The following SPIB variants were observed in gnomAD, a reference collection of about 807,000 sequenced individuals.
The protein encoded by SPIB is Spi-B transcription factor.
A neutral mutation model predicts 31.9 loss-of-function variants in SPIB; 7 were observed. That is an observed-to-expected ratio of 0.22 (90% CI 0.12 to 0.41). The LOEUF is 0.41. SPIB is among the 10% of genes least tolerant of loss of function. SPIB has a pLI of 1.00. For missense variants in SPIB, 327 were observed against 360.2 expected (o/e 0.91, Z 0.75); for synonymous variants, 176 against 158.9 (o/e 1.11, Z -0.81).
chr19:50,422,984 G>A lies in SPIB; in HGVS notation c.286G>A (p.Glu96Lys). The A allele has an allele frequency of 6.4e-7, 1 of 1,572,858 alleles. No individual in the cohort carries two copies. The highest frequency in any genetic ancestry group is 8.6e-7 in the Non-Finnish European group (1 of 1,157,250). Residue 96 changes from glutamate to lysine, a missense_variant, in exon 4 of 6, where the codon GAG (glutamate) becomes AAG (lysine). By Grantham distance (56) the Glu-to-Lys change is moderately conservative (BLOSUM62 1). Around this residue, in one of 4 missense-constraint regions of SPIB, gnomAD observed 238 missense variants for 228.8 expected, o/e 1.04. Transcript: ENST00000595883. ...GAACCTCGAACTGGCCCCCAGCCTG[G>A]AGGCCCCGGGGCCTGGCCTCCCTGC... ...AGNLELAPSL[E>K]APGPGLPAYP...
At chr19:50,419,794 G>C (rs1339427689) in intron 1 of SPIB, 152 bp from the exon 2 acceptor site, 5 of 682,646 alleles carry the variant, frequency 7.3e-6, no homozygotes, top group Non-Finnish European at 1.1e-5. Flanking sequence ...GCAGGGGGTA[G>C]TGGGGGAGTC....
Position 50,428,329 on chromosome 19 carries a change from G to T in SPIB, c.782G>T (p.Arg261Leu), listed in dbSNP as rs1303289410. Residue 261 changes from arginine (R) to leucine (L), a missense_variant, in exon 6 of 6, where the codon CGG becomes CTG. Physicochemically the swap from Arg to Leu is moderately radical, Grantham distance 102. Transcript: ENST00000595883. This position sits in a 1 kb window ranked among gnomAD's most constrained non-coding sequence, Gnocchi z 6.5. ...FDSALLPAVRRA is the reference protein window; with the variant it reads ...FDSALLPAVRLA ...AGCGCGCTGCTGCCTGCAGTCCGCC[G>T]GGCCTGAGCACACCCGAGGCTCCCA... The T allele has an allele frequency of 5.2e-6, 8 of 1,544,388 alleles. No individual in the cohort carries two copies. The East Asian group carries it at 2.0e-4, about 38-fold the overall frequency.
intron 2 of SPIB, among the ~76,000 whole-genome samples, chr19:50,420,820 G>C (rs2039485622): frequency 6.6e-6 from 1 of 152,096 alleles, no homozygotes; most frequent in African/African-American, 2.4e-5. Flanking sequence ...TAGAGGCAGG[G>C]TTTCACCATG....
chr19:50,419,155 C>T (rs745822224), intron 1 of SPIB, among the ~76,000 whole-genome samples, 170 bp downstream of exon 1: 55 of 152,304 alleles, frequency 3.6e-4, no homozygotes, highest in Non-Finnish European at 5.7e-4. Context: ...CTCTTCACTT[C>T]GGACTCTCCA....
chr19:50,427,994 C>T (rs1216132792), intron 5 of SPIB, 44 bp from the exon 6 acceptor site: 4 of 1,456,270 alleles, frequency 2.7e-6, no homozygotes, highest in Non-Finnish European at 3.6e-6. Context: ...AAGGCGGGGC[C>T]TTAGGGACCC....
At chr19:50,423,512 C>A in intron 4 of SPIB, 93 bp from the exon 5 acceptor site, 1 of 1,518,370 alleles carries the variant, frequency 6.6e-7, no homozygotes, top group Non-Finnish European at 8.9e-7. Flanking sequence ...AGAGGGAGAC[C>A]AGAGCCAGGA....
chr19:50,426,547 G>T (rs1250233909), intron 5 of SPIB, among the ~76,000 whole-genome samples: 1 of 152,100 alleles, frequency 6.6e-6, no homozygotes, highest in Non-Finnish European at 1.5e-5. Context: ...CAGGCTGAGT[G>T]CAATGATATG....
chr19:50,419,168 C>T (rs2039450978), intron 1 of SPIB, among the ~76,000 whole-genome samples, 183 bp downstream of exon 1: 1 of 152,198 alleles, frequency 6.6e-6, no homozygotes. Flanking sequence ...ACTCTCCATC[C>T]CCCCAGTTCC....
rs903678055 is a variant in SPIB, at chr19:50,428,503, C to T, written c.*167C>T. The T allele has an allele frequency of 1.5e-5, 12 of 792,402 alleles. No individual in the cohort carries two copies. The highest frequency in any genetic ancestry group is 1.7e-5 in the Non-Finnish European group (9 of 528,952). 49.1% of individuals were successfully genotyped at this position (792,402 alleles called of 1,614,324 possible). On this transcript the variant is annotated 3_prime_UTR_variant, in exon 6 of 6. Transcript: ENST00000595883. The surrounding 1 kb of genome is among the most constrained non-coding windows in gnomAD (Gnocchi z 6.5). ...CCTGCCATAATCCCCAAGCCCAGCCCGGGCCTGTCTGGGATTCCCCACTTG... is the reference window on the plus strand; with the variant it reads ...CCTGCCATAATCCCCAAGCCCAGCCTGGGCCTGTCTGGGATTCCCCACTTG...
intron 1 of SPIB, among the ~76,000 whole-genome samples, chr19:50,419,312 C>G (rs999414398): frequency 6.6e-6 from 1 of 152,160 alleles, no homozygotes; most frequent in Non-Finnish European, 1.5e-5. Context: ...CGCTCTGTAT[C>G]TGGCATCTCC....
intron 5 of SPIB, among the ~76,000 whole-genome samples, chr19:50,424,588 C>T (rs920553190): frequency 6.6e-6 from 1 of 152,154 alleles, no homozygotes; most frequent in African/African-American, 2.4e-5. Flanking sequence ...CGAGACCATC[C>T]TGGCCAACAT....
chr19:50,420,374 C>T (rs1403691764), intron 2 of SPIB, among the ~76,000 whole-genome samples: 1 of 152,126 alleles, frequency 6.6e-6, no homozygotes, highest in Non-Finnish European at 1.5e-5. Flanking sequence ...CCTGTTTATG[C>T]CCCTCCACAT....
At chr19:50,419,638 G>C (rs1191669720) in intron 1 of SPIB, among the ~76,000 whole-genome samples, 1 of 151,964 alleles carries the variant, frequency 6.6e-6, no homozygotes, top group Non-Finnish European at 1.5e-5. Context: ...GGCCGCACTT[G>C]ACCCAGGCCC....
chr19:50,423,511 C>A (rs2039526206), intron 4 of SPIB, 94 bp from the exon 5 acceptor site: 2 of 1,514,782 alleles, frequency 1.3e-6, no homozygotes, highest in Admixed American at 2.0e-5. Flanking sequence ...AAGAGGGAGA[C>A]CAGAGCCAGG....
At position 50,428,717 on chromosome 19, in the gene SPIB, T is replaced by G; in HGVS notation, c.*381T>G. On this transcript the variant is annotated 3_prime_UTR_variant, in exon 6 of 6. Transcript: ENST00000595883. The surrounding 1 kb of genome is among the most constrained non-coding windows in gnomAD (Gnocchi z 6.5). ...AGTGAGGCCTGGGACGTTTTTAAGA[T>G]CGCTGTGTGTCTGTAAACCCTGAAT... 1 of 218,714 alleles carries G rather than the reference T, an allele frequency of 4.6e-6. No individual in the cohort carries two copies. Among genetic ancestry groups the G allele is most frequent in the Non-Finnish European group, 9.0e-6 (1 of 111,666 alleles). 13.5% of individuals were successfully genotyped at this position (218,714 alleles called of 1,614,324 possible). A position where few individuals can be genotyped will look rare whatever the true frequency, so the allele number is the denominator to read the frequency against.
At chr19:50,422,074 A>AC (rs1210128167) in intron 2 of SPIB, among the ~76,000 whole-genome samples, 2 of 151,916 alleles carry the variant, frequency 1.3e-5, no homozygotes, top group African/African-American at 4.8e-5. Flanking sequence ...AAAAGCATTG[A>AC]CCCCTGCCTC....
intron 5 of SPIB, among the ~76,000 whole-genome samples, chr19:50,425,131 G>A (rs1353547818): frequency 3.5e-5 from 5 of 142,942 alleles, no homozygotes; most frequent in African/African-American, 5.2e-5. Context: ...CTCAGCCTCC[G>A]CAGTAGCTGG....
rs113339577 is a variant in SPIB, at chr19:50,423,807, G to A, written c.490+52G>A. The A allele has an allele frequency of 1.3e-3, 1,974 of 1,554,962 alleles. 13 individuals carry two copies. In the African/African-American group the frequency reaches 0.018, roughly 14 times the overall value. The stretch of plus-strand genomic sequence containing the variant: ...AGATGCCAGCTGGAGATGGTGGGGG[G>A]GCTGAGAGCACCATGGCTTCCTGGG... On this transcript the variant is annotated intron_variant, in intron 5 of 5. Transcript: ENST00000595883.
At chr19:50,420,138 C>A (rs2039476078) in intron 2 of SPIB, among the ~76,000 whole-genome samples, 165 bp downstream of exon 2, 1 of 152,104 alleles carries the variant, frequency 6.6e-6, no homozygotes, top group Non-Finnish European at 1.5e-5. Context: ...TTTTTGATGT[C>A]TCTCTCCCCC....
Sources: allele counts gnomAD v4.1 joint callset (sites outside exome capture counted in the v4.1 genomes callset), GRCh38; gene constraint gnomAD v4.1.1; regional missense constraint gnomAD v4.1.1; non-coding constraint Gnocchi (gnomAD v3.1); transcripts MANE v1.5; gene names NCBI Gene and HGNC (gene_info 2026-07-23, HGNC 2026-07-21).